NAV3: variants seen among roughly 807,000 people sequenced by gnomAD.
The protein encoded by NAV3 is neuron navigator 3.
In NAV3, 87 loss-of-function variants were observed where a neutral mutation model predicts 244.7. The ratio of observed to expected loss-of-function variants is 0.36; its 90% confidence interval spans 0.30 to 0.42. The LOEUF (loss-of-function observed/expected upper bound fraction) is 0.42, where lower values mean the gene tolerates loss of function less well. Ranked by LOEUF, NAV3 falls within the 20% of genes least tolerant of loss-of-function variation. The pLI, the probability that NAV3 is intolerant of heterozygous loss-of-function variation, is 1.00. For synonymous variants in NAV3, 1,126 were observed against 1,042.2 expected (o/e 1.08, Z -1.55); for missense variants, 2,663 against 2,893.3 (o/e 0.92, Z 1.83).
chr12:77,836,780 G>A (rs1334981115), intron 1 of NAV3, among the ~76,000 whole-genome samples: 1 of 152,120 alleles, frequency 6.6e-6, no homozygotes, highest in Non-Finnish European at 1.5e-5. Context: ...TAGACAAATT[G>A]GTGTGGATGC....
chr12:78,121,184 G>T (rs1393155116), intron 15 of NAV3, among the ~76,000 whole-genome samples: 2 of 152,070 alleles, frequency 1.3e-5, no homozygotes, highest in Non-Finnish European at 2.9e-5. Context: ...TCATATCATT[G>T]TATTTCCATA....
chr12:78,023,636 C>T (rs967178806), intron 9 of NAV3, among the ~76,000 whole-genome samples: 2 of 152,050 alleles, frequency 1.3e-5, no homozygotes, highest in African/African-American at 2.4e-5. Flanking sequence ...AAATGTCTCT[C>T]GTTGCTTGAG....
chr12:77,667,812 A>G (rs946368509), intron 2 of NAV3, among the ~76,000 whole-genome samples: 3 of 152,144 alleles, frequency 2.0e-5, no homozygotes, highest in African/African-American at 7.2e-5. Context: ...TGCACTCTTG[A>G]AAGCACCACC....
intron 12 of NAV3, among the ~76,000 whole-genome samples, chr12:78,090,262 T>A (rs1197270476): frequency 6.7e-6 from 1 of 149,486 alleles, no homozygotes; most frequent in Non-Finnish European, 1.5e-5. Flanking sequence ...TTTATATATA[T>A]ATAATAAAGT....
At chr12:78,161,006 A>C (rs1957521890) in intron 23 of NAV3, among the ~76,000 whole-genome samples, 1 of 150,656 alleles carries the variant, frequency 6.6e-6, no homozygotes, top group South Asian at 2.1e-4. Flanking sequence ...TTGTCACTTC[A>C]CTATGTAATA....
chr12:78,107,231 C>A (rs941577036), intron 12 of NAV3, among the ~76,000 whole-genome samples: 4 of 152,076 alleles, frequency 2.6e-5, no homozygotes, highest in African/African-American at 7.2e-5. Context: ...TAATCAAATC[C>A]TTCCTGACAT....
intron 2 of NAV3, among the ~76,000 whole-genome samples, chr12:77,795,437 G>A (rs1378239941): frequency 3.3e-5 from 5 of 152,120 alleles, no homozygotes; most frequent in Non-Finnish European, 7.3e-5. Flanking sequence ...AGCAGCAAGC[G>A]ATGATGTGCA....
intron 3 of NAV3, among the ~76,000 whole-genome samples, chr12:77,941,582 T>C (rs544924115): frequency 2.6e-5 from 4 of 152,184 alleles, no homozygotes; most frequent in Non-Finnish European, 5.9e-5. Flanking sequence ...TCTCAAGGCA[T>C]GCTGCTGTCA....
intron 2 of NAV3, among the ~76,000 whole-genome samples, chr12:77,818,205 A>G (rs924535849): frequency 6.6e-6 from 1 of 152,158 alleles, no homozygotes; most frequent in African/African-American, 2.4e-5. Context: ...TATTTTCCCT[A>G]AAGTTATTAT....
In NAV3 at chr12:78,051,100, T is replaced by A. The variant is rs776208642; in HGVS notation, c.2469T>A (p.Asp823Glu). ...TCGATGTGGGTGGATATATGAGTGA[T>A]GGTGATATCCTTGGGAAAAGTCTCA... ...SEVDVGGYMSDGDILGKSLRT... is the reference protein window; with the variant it reads ...SEVDVGGYMSEGDILGKSLRT... Residue 823 changes from aspartate (D) to glutamate (E), a missense_variant, in exon 11 of 40, where the codon GAT becomes GAA. Physicochemically the swap from Asp to Glu is conservative, Grantham distance 45 (BLOSUM62 2). This residue lies in a region of NAV3 where 1,521 missense variants were observed against 1,497.0 expected (regional missense o/e 1.02). Transcript: ENST00000397909. 6.2e-7 allele frequency: 1 copy of A among 1,613,480 alleles called. No individual in the cohort carries two copies. Among genetic ancestry groups the A allele is most frequent in the Non-Finnish European group, 8.5e-7 (1 of 1,179,600 alleles).
At chr12:77,820,040 A>C (rs887777040) in intron 2 of NAV3, among the ~76,000 whole-genome samples, 2 of 152,124 alleles carry the variant, frequency 1.3e-5, no homozygotes, top group African/African-American at 2.4e-5. Flanking sequence ...TGATTGGCTA[A>C]AGAAAATGGA....
At chr12:77,906,295 C>T (rs1226307905) in intron 1 of NAV3, among the ~76,000 whole-genome samples, 1 of 151,994 alleles carries the variant, frequency 6.6e-6, no homozygotes, top group East Asian at 1.9e-4. Flanking sequence ...AGAAAGCAAA[C>T]AAGCTTTTGT....
chr12:78,030,470 C>T (rs1257042175), intron 9 of NAV3, among the ~76,000 whole-genome samples: 1 of 152,136 alleles, frequency 6.6e-6, no homozygotes, highest in Non-Finnish European at 1.5e-5. Context: ...TTGGCTTCAG[C>T]ACTGCAATTA....
At chr12:77,957,849 T>C (rs932291930) in intron 3 of NAV3, among the ~76,000 whole-genome samples, 4 of 152,080 alleles carry the variant, frequency 2.6e-5, no homozygotes, top group African/African-American at 9.7e-5. Context: ...GTATTTTTAG[T>C]AGAGACAGAC....
At chr12:77,741,765 G>T (rs957621524) in intron 2 of NAV3, among the ~76,000 whole-genome samples, 1 of 152,242 alleles carries the variant, frequency 6.6e-6, no homozygotes, top group East Asian at 1.9e-4. Context: ...TCTTAGGAAT[G>T]TAGTTTTACA....
chr12:77,951,312 T>C (rs1211964130), intron 3 of NAV3, among the ~76,000 whole-genome samples: 1 of 152,170 alleles, frequency 6.6e-6, no homozygotes, highest in African/African-American at 2.4e-5. Flanking sequence ...AACAGGCACA[T>C]GAAAAAATGT....
At chr12:77,875,790 C>A (rs1034005481) in intron 1 of NAV3, among the ~76,000 whole-genome samples, 1 of 151,928 alleles carries the variant, frequency 6.6e-6, no homozygotes, top group South Asian at 2.1e-4. Context: ...TGTCTCCACT[C>A]GTGTTCTTGT....
chr12:78,052,805 T>C (rs1335058437), intron 11 of NAV3, among the ~76,000 whole-genome samples: 1 of 152,106 alleles, frequency 6.6e-6, no homozygotes, highest in Non-Finnish European at 1.5e-5. Flanking sequence ...CCTCTTCTCT[T>C]TTTTTTCTCA....
intron 1 of NAV3, among the ~76,000 whole-genome samples, chr12:77,915,451 A>G (rs1235858375): frequency 6.6e-6 from 1 of 151,978 alleles, no homozygotes; most frequent in African/African-American, 2.4e-5. Context: ...AGATGTAGAG[A>G]TTATCAATTA....
Sources: allele counts gnomAD v4.1 joint callset (sites outside exome capture counted in the v4.1 genomes callset), GRCh38; gene constraint gnomAD v4.1.1; regional missense constraint gnomAD v4.1.1; transcripts MANE v1.5; gene names NCBI Gene and HGNC (gene_info 2026-07-23, HGNC 2026-07-21).